The following NRG1 variants were observed in gnomAD, a reference collection of about 807,000 sequenced individuals.
NRG1 encodes the protein neuregulin 1.
NRG1 carries 18 observed loss-of-function variants against 63.8 expected under a neutral mutation model. The ratio of observed to expected loss-of-function variants is 0.28; its 90% CI spans 0.19 to 0.42. NRG1 has a LOEUF of 0.42. NRG1 is among the 10% of genes least tolerant of loss of function. The probability of loss-of-function intolerance (pLI) is 1.00; values close to 1 mark genes in which losing one functional copy is unlikely to be tolerated. For synonymous variants in NRG1, 302 were observed against 301.3 expected, an observed-to-expected ratio of 1.00 and a Z score of -0.02; for missense variants, 762 against 814.7, an observed-to-expected ratio of 0.94 and a Z score of 0.79.
intron 5 of NRG1, among the ~76,000 whole-genome samples, chr8:32,716,082 G>A (rs372357430): frequency 6.6e-6 from 1 of 152,166 alleles, no homozygotes; most frequent in African/African-American, 2.4e-5. Context: ...TTCCCTTGGT[G>A]GGATTCAGAA....
At chr8:32,159,177 TCG>T (rs1337456834) in intron 1 of NRG1, among the ~76,000 whole-genome samples, 1 of 152,166 alleles carries the variant, frequency 6.6e-6, no homozygotes, top group Admixed American at 6.5e-5. Context: ...TTAGCCACGA[TCG>T]TATAAAACAA....
rs554949764 is a variant in NRG1, at chr8:31,808,421, G to A, written c.37+168990G>A. ...TAAAACGAGTTTAACAGATAATTTA[G>A]CCCATTCACATTTGTTGTAATTCAT... is the stretch of plus-strand genomic sequence containing the variant. On this transcript the variant is annotated intron_variant, in intron 1 of 10. Transcript: ENST00000519301. Among the ~76,000 whole-genome samples, 12 of 151,964 alleles carry A rather than the reference G, an allele frequency of 7.9e-5. No individual in the cohort carries two copies. The South Asian group carries it at 8.3e-4, about 11-fold the overall frequency.
chr8:32,013,864 C>G (rs368688622), intron 1 of NRG1, among the ~76,000 whole-genome samples: 14 of 152,202 alleles, frequency 9.2e-5, no homozygotes, highest in African/African-American at 2.9e-4. Context: ...ATCACCAGTG[C>G]CACACAGAAG....
intron 11 of NRG1, 102 bp from the exon 12 acceptor site, chr8:32,763,646 T>C (rs2129061842): frequency 8.0e-7 from 1 of 1,244,194 alleles, no homozygotes; most frequent in East Asian, 2.4e-5. Flanking sequence ...AGAAATTCTC[T>C]GTTCTCTGAT....
intron 1 of NRG1, among the ~76,000 whole-genome samples, chr8:31,996,127 C>T (rs1811931616): frequency 6.6e-6 from 1 of 151,698 alleles, no homozygotes; most frequent in South Asian, 2.1e-4. Flanking sequence ...TTCTTCCAAA[C>T]TTGTATTTCT....
At chr8:32,555,547 C>T (rs1330598699) in intron 1 of NRG1, among the ~76,000 whole-genome samples, 1 of 152,214 alleles carries the variant, frequency 6.6e-6, no homozygotes, top group Non-Finnish European at 1.5e-5. Flanking sequence ...TCTCGACTCA[C>T]TGCAAGCTCC....
At chr8:32,227,658 G>A (rs1846476538) in intron 1 of NRG1, among the ~76,000 whole-genome samples, 1 of 152,124 alleles carries the variant, frequency 6.6e-6, no homozygotes, top group Non-Finnish European at 1.5e-5. Context: ...CATGAGTCAA[G>A]TTTATACTAG....
At chr8:32,322,355 T>TATATATATA (rs1563313662) in intron 1 of NRG1, among the ~76,000 whole-genome samples, 10 of 142,662 alleles carry the variant, frequency 7.0e-5, no homozygotes, top group African/African-American at 2.6e-4. Flanking sequence ...CAACCTTATT[T>TATATATATA]TATATATATA....
chr8:32,551,248 C>G (rs1336945231), intron 1 of NRG1, among the ~76,000 whole-genome samples: 3 of 152,188 alleles, frequency 2.0e-5, no homozygotes, highest in Non-Finnish European at 4.4e-5. Context: ...TTCACACTTG[C>G]CGTGCCAGCC....
intron 5 of NRG1, among the ~76,000 whole-genome samples, chr8:32,656,321 G>GA (rs572667655): frequency 2.0e-5 from 3 of 151,664 alleles, no homozygotes; most frequent in African/African-American, 4.8e-5. Context: ...GAGTAAAAGA[G>GA]AAAAAAAAGT....
chr8:31,865,367 A>G (rs971263046), intron 1 of NRG1, among the ~76,000 whole-genome samples: 5 of 152,110 alleles, frequency 3.3e-5, no homozygotes, highest in African/African-American at 1.2e-4. Context: ...GAAGCAGGTG[A>G]TATTCTGAAG....
intron 1 of NRG1, among the ~76,000 whole-genome samples, chr8:32,367,536 G>T (rs985950548): frequency 7.3e-5 from 11 of 151,086 alleles, no homozygotes; most frequent in Non-Finnish European, 1.5e-4. Context: ...TTTTCATTTT[G>T]CTGTTATGTT....
intron 1 of NRG1, among the ~76,000 whole-genome samples, chr8:31,911,143 A>G (rs1393802980): frequency 1.4e-5 from 2 of 147,554 alleles, no homozygotes; most frequent in East Asian, 3.9e-4. Context: ...AGTTAAGCTT[A>G]GAAAAATTGT....
At chr8:32,749,910 A>G (rs1828343797) in intron 7 of NRG1, 1 of 314,946 alleles carries the variant, frequency 3.2e-6, no homozygotes, top group East Asian at 6.7e-5. Flanking sequence ...TGGGGTAAGT[A>G]GTAGTAGCAC....
At chr8:32,264,594 A>G (rs1443399440) in intron 1 of NRG1, among the ~76,000 whole-genome samples, 1 of 152,214 alleles carries the variant, frequency 6.6e-6, no homozygotes, top group Non-Finnish European at 1.5e-5. Context: ...TCTTGTTTGT[A>G]TAGCAAAGGT....
intron 1 of NRG1, among the ~76,000 whole-genome samples, chr8:32,184,119 G>T (rs750662517): frequency 6.6e-6 from 1 of 151,500 alleles, no homozygotes; most frequent in African/African-American, 2.4e-5. Flanking sequence ...TATAGATCAC[G>T]TAAATATATA....
intron 6 of NRG1, among the ~76,000 whole-genome samples, chr8:32,732,594 A>G (rs941754039): frequency 6.6e-6 from 1 of 152,158 alleles, no homozygotes; most frequent in African/African-American, 2.4e-5. Flanking sequence ...TATTTATAAC[A>G]TGAAGTTAAT....
intron 1 of NRG1, among the ~76,000 whole-genome samples, chr8:32,500,374 G>A (rs1220990531): frequency 1.3e-5 from 2 of 152,136 alleles, no homozygotes; most frequent in Non-Finnish European, 2.9e-5. Context: ...CTGCCAGAAA[G>A]TTACCTTCCT....
chr8:32,600,719 TATA>T (rs1179765820), intron 2 of NRG1, among the ~76,000 whole-genome samples: 1 of 152,160 alleles, frequency 6.6e-6, no homozygotes, highest in Non-Finnish European at 1.5e-5. Context: ...ATGTAATTAC[TATA>T]ATAATAGCTA....
Sources: allele counts gnomAD v4.1 joint callset (sites outside exome capture counted in the v4.1 genomes callset), GRCh38; gene constraint gnomAD v4.1.1; transcripts MANE v1.5; gene names NCBI Gene and HGNC (gene_info 2026-07-23, HGNC 2026-07-21).